CBR4: variants seen among roughly 807,000 people sequenced by gnomAD.
CBR4 encodes 3-oxoacyl-[acyl-carrier-protein] reductase.
CBR4 carries 22 observed loss-of-function variants against 21.0 expected under a neutral mutation model. The observed-to-expected ratio is 1.05, with a 90% CI of 0.75 to 1.50. CBR4 has a LOEUF of 1.50. Among genes scored for constraint, CBR4 ranks in the 40% most tolerant of loss-of-function variants. CBR4 has a pLI of 0.00. For synonymous variants in CBR4, 100 were observed against 104.4 expected (o/e 0.96, Z 0.26); for missense variants, 302 against 286.3 (o/e 1.05, Z -0.40).
chr4:168,989,832 G>A lies in CBR4; in HGVS notation c.*318C>T. On this transcript the variant is annotated 3_prime_UTR_variant, in exon 5 of 5. Coordinates refer to ENST00000306193, the MANE Select transcript of CBR4 (RefSeq NM_032783.5). ...TTTAGAAAACACAATTTGTCTGGGG[G>A]GATGATTGCACATGTATTTAAATAT... 9.8e-7 allele frequency: 1 copy of A among 1,017,512 alleles called. No individual in the cohort carries two copies. The highest frequency in any genetic ancestry group is 1.2e-6 in the Non-Finnish European group (1 of 851,422). 63.0% of individuals were successfully genotyped at this position (1,017,512 alleles called of 1,614,324 possible).
chr4:168,929,717 TC>T (rs1274096753), intron 2 of CBR4, among the ~76,000 whole-genome samples: 16 of 152,226 alleles, frequency 1.1e-4, no homozygotes, highest in Non-Finnish European at 2.1e-4. Context: ...TTACTTTACC[TC>T]CCCAAGCCTC....
chr4:168,896,133 C>T (rs1581971039), intron 2 of CBR4, among the ~76,000 whole-genome samples: 1 of 151,808 alleles, frequency 6.6e-6, no homozygotes, highest in South Asian at 2.1e-4. Context: ...TCGCTTGAAC[C>T]CAGGAGACAG....
At chr4:168,948,473 A>G (rs999816049) in intron 2 of CBR4, among the ~76,000 whole-genome samples, 1 of 152,130 alleles carries the variant, frequency 6.6e-6, no homozygotes, top group East Asian at 1.9e-4. Flanking sequence ...TTCCAATGTT[A>G]TCTTCTAGAA....
intron 2 of CBR4, chr4:168,925,087 C>T (rs746599370): frequency 1.2e-6 from 2 of 1,613,628 alleles, no homozygotes; most frequent in Non-Finnish European, 1.7e-6. Context: ...CAGTGAGTGC[C>T]ACTTCATCTC....
At chr4:168,944,947 AT>A (rs1763364953) in intron 2 of CBR4, among the ~76,000 whole-genome samples, 2 of 152,208 alleles carry the variant, frequency 1.3e-5, no homozygotes, top group Admixed American at 1.3e-4. Context: ...AGCATGTGAC[AT>A]TTTGTTTTAT....
chr4:169,004,281 T>C lies in CBR4; in HGVS notation c.401-2076A>G, dbSNP rs114569064. Among the ~76,000 whole-genome samples the C allele has an allele frequency of 4.6e-3, 703 of 152,296 alleles. 9 individuals are homozygous for C. The highest frequency in any genetic ancestry group is 0.016 in the African/African-American group (669 of 41,540). On this transcript the variant is annotated intron_variant, in intron 3 of 4. Coordinates refer to ENST00000306193, the MANE Select transcript of CBR4 (RefSeq NM_032783.5). ...AGCAACAAAGTATTTACATTTTTTT[T>C]AGATATAATGCTACTGCATACTTAA... is the stretch of plus-strand genomic sequence containing the variant.
chr4:168,896,642 G>T, intron 2 of CBR4: 1 of 1,124,398 alleles, frequency 8.9e-7, no homozygotes, highest in Non-Finnish European at 1.3e-6. Context: ...CTTTCTCTGT[G>T]TCTGTTTTCT....
chr4:168,959,185 C>G (rs547218585), intron 2 of CBR4, among the ~76,000 whole-genome samples: 1 of 152,050 alleles, frequency 6.6e-6, no homozygotes, highest in Non-Finnish European at 1.5e-5. Context: ...AGATTTATGT[C>G]GTATCCATTA....
chr4:169,009,741 G>A (rs1579040193), intron 1 of CBR4, among the ~76,000 whole-genome samples: 1 of 152,270 alleles, frequency 6.6e-6, no homozygotes, highest in African/African-American at 2.4e-5. Context: ...GCGGCAAGCT[G>A]CGTGGCCGGC....
At chr4:168,991,022 C>G (rs1236665941) in intron 4 of CBR4, among the ~76,000 whole-genome samples, 6 of 151,978 alleles carry the variant, frequency 3.9e-5, no homozygotes, top group African/African-American at 1.5e-4. Flanking sequence ...TCACTGCACT[C>G]CAGCCTCAGC....
At chr4:168,925,475 G>A (rs1762394952) in intron 2 of CBR4, 5 of 596,334 alleles carry the variant, frequency 8.4e-6, no homozygotes, top group East Asian at 2.9e-5. Flanking sequence ...ATATTCTATC[G>A]CAGTGTCCTA....
rs192078058 is a variant in CBR4 at position 168,940,524 on chromosome 4, T to C, written n.170-45759A>G. On this transcript the variant is annotated intron_variant and non_coding_transcript_variant, in intron 2 of 3. Coordinates refer to the CBR4 transcript ENST00000509108. Reference sequence around the variant, plus strand: ...AGGCAACCTACAGAATAGGAGAAAATCTTTGCAATCTACCCATCTGACAAA... The same window carrying C: ...AGGCAACCTACAGAATAGGAGAAAACCTTTGCAATCTACCCATCTGACAAA... Among the ~76,000 whole-genome samples, 698 of 151,726 alleles carry C rather than the reference T, an allele frequency of 4.6e-3. 7 individuals carry two copies. Among genetic ancestry groups the C allele is most frequent in the Admixed American group, 5.5e-3 (84 of 15,250 alleles).
downstream of CBR4, among the ~76,000 whole-genome samples, chr4:168,982,896 A>C (rs917989192): frequency 1.3e-5 from 2 of 152,180 alleles, no homozygotes; most frequent in African/African-American, 4.8e-5. Flanking sequence ...ACATATGAAA[A>C]TCTCTGGGAC....
chr4:168,973,036 T>C (rs1018188736), intron 2 of CBR4, among the ~76,000 whole-genome samples: 2 of 152,198 alleles, frequency 1.3e-5, no homozygotes, highest in Non-Finnish European at 2.9e-5. Context: ...GGGATGATCA[T>C]TATCTTTGTT....
At position 168,935,829 on chromosome 4, in the gene CBR4, G is replaced by C. The variant is rs560110633; in HGVS notation, n.170-41064C>G. Among the ~76,000 whole-genome samples, 467 of 152,246 alleles carry C rather than the reference G, an allele frequency of 3.1e-3. 2 individuals carry two copies. Among genetic ancestry groups the C allele is most frequent in the African/African-American group, 0.01 (433 of 41,544 alleles). On this transcript the variant is annotated intron_variant and non_coding_transcript_variant, in intron 2 of 3. Coordinates refer to the CBR4 transcript ENST00000509108. ...CACCTGGGGGAAGGGGTGGCGGTGG[G>C]TGCAGCTTCAGCAGACTTAAACATT...
Position 168,989,285 on chromosome 4 carries a change from A to T in CBR4, c.*865T>A. The T allele has an allele frequency of 1.0e-6, 1 of 985,312 alleles. No individual in the cohort carries two copies. The highest frequency in any genetic ancestry group is 1.2e-6 in the Non-Finnish European group (1 of 829,794). 61.0% of individuals were successfully genotyped at this position (985,312 alleles called of 1,614,324 possible). A position where few individuals can be genotyped will look rare whatever the true frequency, so the allele number is the denominator to read the frequency against. ...TCTAAGTTTTTCATGAATAAAAAAC[A>T]CATCCTAAGTTCATGAAATCTGTGC... On this transcript the variant is annotated 3_prime_UTR_variant, in exon 5 of 5. Transcript: ENST00000306193.
At chr4:169,002,607 AAC>A (rs1730546444) in intron 3 of CBR4, among the ~76,000 whole-genome samples, 2 of 152,242 alleles carry the variant, frequency 1.3e-5, no homozygotes, top group South Asian at 2.1e-4. Flanking sequence ...ATGATTCTAC[AAC>A]ACAGACATAA....
At chr4:169,009,918 A>G (rs1233494995) in intron 1 of CBR4, 30 bp downstream of exon 1, 1 of 1,594,018 alleles carries the variant, frequency 6.3e-7, no homozygotes. Flanking sequence ...CCGCGGCCAT[A>G]CAACTGGACA....
At chr4:168,902,445 A>G (rs746190702) in intron 2 of CBR4, among the ~76,000 whole-genome samples, 3 of 152,160 alleles carry the variant, frequency 2.0e-5, no homozygotes, top group East Asian at 1.9e-4. Flanking sequence ...TGATGGGCCT[A>G]TCTTTCAACT....
Sources: gnomAD v4.1 joint callset for allele counts (sites outside exome capture counted in the v4.1 genomes callset) on GRCh38, gnomAD v4.1.1 for gene constraint, MANE v1.5 for transcripts, NCBI Gene and HGNC (gene_info 2026-07-23, HGNC 2026-07-21) for gene names.